The following AGMO variants were observed in gnomAD, a reference collection of about 807,000 sequenced individuals.
The protein encoded by AGMO is alkylglycerol monooxygenase, also known as glyceryl-ether monooxygenase.
A neutral mutation model predicts 60.2 loss-of-function variants in AGMO; 75 were observed. That is an observed-to-expected ratio of 1.25 (90% CI 1.03 to 1.51). The LOEUF (loss-of-function observed/expected upper bound fraction) is 1.51. Ranked by LOEUF, AGMO falls within the 40% of genes most tolerant of loss-of-function variation. The probability of loss-of-function intolerance (pLI) is 0.00; values close to 1 mark genes in which losing one functional copy is unlikely to be tolerated. For missense variants in AGMO, 763 were observed against 525.5 expected, an observed-to-expected ratio of 1.45 and a Z score of -4.42; for synonymous variants, 261 against 177.1, an observed-to-expected ratio of 1.47 and a Z score of -3.76.
chr7:15,153,507 T>C, the AGMO span, among the ~76,000 whole-genome samples: 3 of 152,172 alleles, frequency 2.0e-5, no homozygotes, highest in African/African-American at 7.2e-5. Flanking sequence ...CCATTTTGAG[T>C]TGATTTTTGT....
chr7:15,336,418 CAA>C (rs141362853), intron 12 of AGMO, among the ~76,000 whole-genome samples: 1 of 140,600 alleles, frequency 7.1e-6, no homozygotes. Flanking sequence ...CTCAATATGG[CAA>C]AAAAAAAAGA....
intron 12 of AGMO, among the ~76,000 whole-genome samples, chr7:15,229,984 AATTC>A (rs1317116072): frequency 6.6e-6 from 1 of 151,706 alleles, no homozygotes; most frequent in Non-Finnish European, 1.5e-5. Flanking sequence ...TTCTCATTTT[AATTC>A]ATTGAAACAA....
intron 4 of AGMO, among the ~76,000 whole-genome samples, chr7:15,430,036 A>G (rs1164447310): frequency 1.3e-5 from 2 of 151,914 alleles, no homozygotes; most frequent in Non-Finnish European, 2.9e-5. Context: ...GGTGTGACTG[A>G]ACTATAGACT....
At chr7:15,348,620 G>A (rs769009618) in intron 12 of AGMO, among the ~76,000 whole-genome samples, 11 of 151,810 alleles carry the variant, frequency 7.2e-5, no homozygotes, top group Admixed American at 1.3e-4. Context: ...TGTAACACTC[G>A]TGTATCTGTG....
chr7:15,144,981 C>T, the AGMO span, among the ~76,000 whole-genome samples: 3 of 152,146 alleles, frequency 2.0e-5, no homozygotes, highest in Admixed American at 1.3e-4. Context: ...AGGCGCCCGC[C>T]GCCACGCTTT....
chr7:15,171,643 G>T, the AGMO span, among the ~76,000 whole-genome samples: 2 of 152,088 alleles, frequency 1.3e-5, 1 homozygote, highest in South Asian at 4.1e-4. Flanking sequence ...ACAATTTACT[G>T]TATCTTTCCA....
At chr7:15,437,325 T>A (rs1165765990) in intron 3 of AGMO, among the ~76,000 whole-genome samples, 3 of 152,176 alleles carry the variant, frequency 2.0e-5, no homozygotes, top group African/African-American at 7.2e-5. Flanking sequence ...TAGAAACTTT[T>A]GTCTTATAAT....
intron 5 of AGMO, among the ~76,000 whole-genome samples, chr7:15,407,107 T>A (rs1784724812): frequency 6.8e-6 from 1 of 146,538 alleles, no homozygotes; most frequent in Non-Finnish European, 1.5e-5. Context: ...CATATATGTG[T>A]GCATATGTAC....
chr7:15,533,036 T>A (rs1412025584), intron 3 of AGMO, among the ~76,000 whole-genome samples: 1 of 152,080 alleles, frequency 6.6e-6, no homozygotes, highest in Non-Finnish European at 1.5e-5. Flanking sequence ...ACAACTTTAG[T>A]GAAATTCAGT....
intron 12 of AGMO, among the ~76,000 whole-genome samples, chr7:15,285,266 T>C (rs886902956): frequency 6.6e-6 from 1 of 151,766 alleles, no homozygotes; most frequent in Non-Finnish European, 1.5e-5. Flanking sequence ...TGCATCAAAA[T>C]TGAAAAAGAG....
intron 12 of AGMO, among the ~76,000 whole-genome samples, chr7:15,326,818 GA>G (rs1025247245): frequency 6.6e-6 from 1 of 151,628 alleles, no homozygotes; most frequent in Non-Finnish European, 1.5e-5. Flanking sequence ...TAGCGAAAAA[GA>G]AAAAAACAAA....
In AGMO at chr7:15,274,348, A is replaced by C. The variant is rs372540854; in HGVS notation, c.1264-72989T>G. On this transcript the variant is annotated intron_variant, in intron 12 of 12. Transcript: ENST00000342526. ...ATGAAGGGCTGTTGAATGTTGTCAAAGGCCTTTTCTGCAGCTACTGAGATA... is the reference window on the plus strand; with the variant it reads ...ATGAAGGGCTGTTGAATGTTGTCAACGGCCTTTTCTGCAGCTACTGAGATA... 3.9e-5 allele frequency among the ~76,000 whole-genome samples: 6 copies of C among 152,294 alleles called. No individual in the cohort carries two copies. The East Asian group carries it at 7.7e-4, about 20-fold the overall frequency.
chr7:15,307,951 G>A (rs1780662880), intron 12 of AGMO, among the ~76,000 whole-genome samples: 1 of 151,940 alleles, frequency 6.6e-6, no homozygotes, highest in South Asian at 2.1e-4. Context: ...AATCCTATTA[G>A]TTCCTAACGC....
At chr7:15,251,663 T>C (rs1331837045) in intron 12 of AGMO, among the ~76,000 whole-genome samples, 1 of 152,200 alleles carries the variant, frequency 6.6e-6, no homozygotes, top group African/African-American at 2.4e-5. Context: ...CAGAAGGATC[T>C]AGGACAGGAA....
At chr7:15,118,876 A>AT in the AGMO span, among the ~76,000 whole-genome samples, 221 of 81,750 alleles carry the variant, frequency 2.7e-3, 40 homozygotes, top group East Asian at 3.8e-3. Flanking sequence ...AGACGTCAGT[A>AT]TTTTTTTTTT....
At chr7:15,219,091 A>G (rs940563614) in intron 12 of AGMO, among the ~76,000 whole-genome samples, 1 of 152,156 alleles carries the variant, frequency 6.6e-6, no homozygotes, top group Non-Finnish European at 1.5e-5. Flanking sequence ...AAGTACCTCC[A>G]TGCACTAATT....
intron 12 of AGMO, among the ~76,000 whole-genome samples, chr7:15,220,183 A>T (rs1781873991): frequency 7.0e-6 from 1 of 142,696 alleles, no homozygotes; most frequent in African/African-American, 2.6e-5. Flanking sequence ...GCAACTGAAC[A>T]TCTTATGTGT....
At chr7:15,209,967 T>C (rs563451983) in intron 12 of AGMO, among the ~76,000 whole-genome samples, 1 of 152,208 alleles carries the variant, frequency 6.6e-6, no homozygotes, top group Admixed American at 6.5e-5. Context: ...TTTCAAGCTA[T>C]GAAAAAAGGT....
intron 12 of AGMO, among the ~76,000 whole-genome samples, chr7:15,224,960 C>T (rs7777548): frequency 0.66 from 99,918 of 151,756 alleles, 32,958 homozygotes; most frequent in Middle Eastern, 0.71. Context: ...GTGGAAATTT[C>T]GGACAGTAGG....
Sources: allele counts gnomAD v4.1 joint callset (sites outside exome capture counted in the v4.1 genomes callset), GRCh38; gene constraint gnomAD v4.1.1; transcripts MANE v1.5; gene names NCBI Gene and HGNC (gene_info 2026-07-23, HGNC 2026-07-21).